Variants in SLC20A2 observed in about 807,000 individuals in gnomAD.
SLC20A2 encodes sodium-dependent phosphate transporter 2.
SLC20A2 carries 30 observed loss-of-function variants against 61.0 expected under a neutral mutation model. That is an observed-to-expected ratio of 0.49 (90% CI 0.37 to 0.67). The LOEUF (loss-of-function observed/expected upper bound fraction) is 0.67, where lower values mean the gene tolerates loss of function less well. SLC20A2 is among the 30% of genes least tolerant of loss of function. The pLI, the probability that SLC20A2 is intolerant of heterozygous loss-of-function variation, is 0.00. For missense variants in SLC20A2, 626 were observed against 866.4 expected (o/e 0.72, Z 3.48); for synonymous variants, 351 against 353.3 (o/e 0.99, Z 0.07).
Position 42,439,636 on chromosome 8 carries a change from C to T in SLC20A2, c.748G>A (p.Gly250Ser). The T allele has an allele frequency of 6.2e-7, 1 of 1,614,012 alleles. No homozygotes were observed. Among genetic ancestry groups the T allele is most frequent in the Non-Finnish European group, 8.5e-7 (1 of 1,179,848 alleles). Residue 250 changes from glycine (G) to serine (S), a missense_variant, in exon 7 of 11, where the codon GGT becomes AGT. By Grantham distance (56) the Gly-to-Ser change is moderately conservative (BLOSUM62 0). Transcript: ENST00000520262. ...TCGTCAGATACTCGTGATAAAGCAC[C>T]TTCTTTTTGTAATTTGCCTAAAGAA... Reference protein sequence around the residue: ...RKITGKLQKEGALSRVSDESL... With the variant: ...RKITGKLQKESALSRVSDESL...
At position 42,437,369 on chromosome 8, in the gene SLC20A2, G is replaced by C; in HGVS notation, c.1143C>G (p.Arg381=). ...PAQESNYRLL[R]RNNSYTCYTA... ...TGTAGCAGGTGTAACTGTTGTTTCG[G>C]CGCAGCAGCCGGTAGTTGCTTTCCT... The change falls in exon 8 of 11, where the codon CGC becomes CGG. Residue 381 remains arginine, a synonymous_variant. Coordinates refer to ENST00000520262, the MANE Select transcript of SLC20A2 (RefSeq NM_001257180.2). This position sits in a 1 kb window ranked among gnomAD's most constrained non-coding sequence, Gnocchi z 6.4. 1 of 1,614,150 alleles carries C rather than the reference G, an allele frequency of 6.2e-7. No homozygotes were observed. Among genetic ancestry groups the C allele is most frequent in the Non-Finnish European group, 8.5e-7 (1 of 1,180,018 alleles).
At chr8:42,465,238 G>A (rs1490038010) in intron 3 of SLC20A2, among the ~76,000 whole-genome samples, 1 of 151,318 alleles carries the variant, frequency 6.6e-6, no homozygotes, top group Non-Finnish European at 1.5e-5. Context: ...TTGTATTTTT[G>A]TAGAGATGGG....
At chr8:42,508,595 TAGC>T (rs2131368518) in intron 1 of SLC20A2, among the ~76,000 whole-genome samples, 1 of 152,184 alleles carries the variant, frequency 6.6e-6, no homozygotes, top group African/African-American at 2.4e-5. Flanking sequence ...TTCACCATGT[TAGC>T]CAGGCTGGTC....
At chr8:42,439,997 A>C (rs1341728910) in intron 6 of SLC20A2, among the ~76,000 whole-genome samples, 1 of 151,804 alleles carries the variant, frequency 6.6e-6, no homozygotes, top group Non-Finnish European at 1.5e-5. Context: ...AGGCAGGAGA[A>C]TCTCTTAAAC....
rs968688372 is a variant in SLC20A2, at chr8:42,441,689, A to C, written c.731-2036T>G. ...TCACCATGTTGGCCAAGATGGTCTC[A>C]ATCTCCTGACCTTGTGATCCACCCA... On this transcript the variant is annotated intron_variant, in intron 6 of 10. Coordinates refer to ENST00000520262, the MANE Select transcript of SLC20A2 (RefSeq NM_001257180.2). 2.6e-4 allele frequency among the ~76,000 whole-genome samples: 39 copies of C among 148,064 alleles called. 1 individual carries two copies. The highest frequency in any genetic ancestry group is 9.4e-4 in the African/African-American group (37 of 39,526).
At chr8:42,420,231 T>A (rs1802953214) in intron 10 of SLC20A2, among the ~76,000 whole-genome samples, 1 of 152,104 alleles carries the variant, frequency 6.6e-6, no homozygotes, top group South Asian at 2.1e-4. Flanking sequence ...TCCATTTACA[T>A]ACTAAAATCT....
In SLC20A2 at chr8:42,437,217, C is replaced by G; in HGVS notation, c.1295G>C (p.Ser432Thr). The change falls in exon 8 of 11, where the codon AGC becomes ACC. Residue 432 changes from serine (S) to threonine (T), a missense_variant. Coordinates refer to ENST00000520262, the MANE Select transcript of SLC20A2 (RefSeq NM_001257180.2). The surrounding 1 kb of genome is among the most constrained non-coding windows in gnomAD (Gnocchi z 6.4). Reference protein sequence around the residue: ...SYSKKRLRYDSYSSYCNAVAE... With the variant: ...SYSKKRLRYDTYSSYCNAVAE... ...CACCGCGTTACAGTAGCTCGAGTAG[C>G]TGTCGTAGCGCAGCCTCTTCTTGGA... 1 of 1,613,806 alleles carries G rather than the reference C, an allele frequency of 6.2e-7. No individual in the cohort carries two copies. The highest frequency in any genetic ancestry group is 1.1e-5 in the South Asian group (1 of 91,090).
At position 42,495,765 on chromosome 8, in the gene SLC20A2, T is replaced by C. The variant is rs997538082; in HGVS notation, c.-265+5266A>G. ...AGATCCCTCCCCCTTTTTTTTTTTT[T>C]TCCAGACAGAGTCTTGTTCTGTTGC... is the stretch of plus-strand genomic sequence containing the variant. On this transcript the variant is annotated intron_variant, in intron 1 of 10. Coordinates refer to ENST00000520262, the MANE Select transcript of SLC20A2 (RefSeq NM_001257180.2). 1.1e-4 allele frequency among the ~76,000 whole-genome samples: 16 copies of C among 152,192 alleles called. 2 individuals are homozygous for C. Among genetic ancestry groups the C allele is most frequent in the Admixed American group, 9.8e-4 (15 of 15,290 alleles).
In SLC20A2 at chr8:42,430,595, T is replaced by C. The variant is rs1016092627; in HGVS notation, c.1524-346A>G. Among the ~76,000 whole-genome samples the C allele has an allele frequency of 8.5e-5, 13 of 152,138 alleles. 1 individual carries two copies. The highest frequency in any genetic ancestry group is 8.5e-4 in the Admixed American group (13 of 15,272). ...CCAGGCTGGTCTCGAACCCCTGACC[T>C]TGTGATCTGCCCACCTTGGCTTCCC... On this transcript the variant is annotated intron_variant, in intron 8 of 10. Transcript: ENST00000520262.
At chr8:42,464,805 T>C (rs923225712) in intron 3 of SLC20A2, among the ~76,000 whole-genome samples, 17 of 151,988 alleles carry the variant, frequency 1.1e-4, no homozygotes, top group Non-Finnish European at 1.9e-4. Context: ...AAACCCTGTC[T>C]GTACTAAAAT....
At chr8:42,476,054 G>A (rs1339050584) in intron 1 of SLC20A2, among the ~76,000 whole-genome samples, 2 of 132,522 alleles carry the variant, frequency 1.5e-5, no homozygotes, top group Non-Finnish European at 3.2e-5. Flanking sequence ...GTGCGCTTTT[G>A]ATTGGGTGAA....
In SLC20A2 at chr8:42,437,522, G is replaced by A. The variant is rs749040792; in HGVS notation, c.990C>T (p.Thr330=). ...GSVKSPISNG[T]FGFDGHTRSD... Reference sequence around the variant, plus strand: ...TCCTGGTGTGGCCGTCGAAGCCGAAGGTGCCGTTGGAGATGGGCGATTTCA... The same window carrying A: ...TCCTGGTGTGGCCGTCGAAGCCGAAAGTGCCGTTGGAGATGGGCGATTTCA... Residue 330 remains threonine (T), a synonymous_variant, in exon 8 of 11, where the codon ACC becomes ACT. Transcript: ENST00000520262. The surrounding 1 kb of genome is among the most constrained non-coding windows in gnomAD (Gnocchi z 6.4). The A allele has an allele frequency of 1.2e-5, 20 of 1,614,016 alleles. No homozygotes were observed. The highest frequency in any genetic ancestry group is 1.6e-5 in the Non-Finnish European group (19 of 1,180,012).
At chr8:42,492,196 G>C (rs1051995116) in intron 1 of SLC20A2, among the ~76,000 whole-genome samples, 2 of 151,970 alleles carry the variant, frequency 1.3e-5, no homozygotes, top group African/African-American at 4.8e-5. Flanking sequence ...CTCTTCTAAA[G>C]ATACAAAAAA....
chr8:42,460,125 T>C (rs932690198), intron 4 of SLC20A2, 133 bp from the exon 5 acceptor site: 1 of 595,032 alleles, frequency 1.7e-6, no homozygotes, highest in Non-Finnish European at 3.1e-6. Flanking sequence ...AGGATGGGCG[T>C]TGTCACTGCC....
At chr8:42,505,744 A>G (rs916052588), upstream of SLC20A2, among the ~76,000 whole-genome samples, 9 of 151,982 alleles carry the variant, frequency 5.9e-5, no homozygotes, top group African/African-American at 2.2e-4. Context: ...CAAAAAACTT[A>G]GCCGGGCACG....
intron 8 of SLC20A2, among the ~76,000 whole-genome samples, chr8:42,434,884 G>T (rs544754652): frequency 1.3e-5 from 2 of 152,216 alleles, no homozygotes; most frequent in Non-Finnish European, 2.9e-5. Context: ...GTGAGTCCAT[G>T]TGTGAGTGTG....
intron 7 of SLC20A2, among the ~76,000 whole-genome samples, chr8:42,438,121 A>G (rs940218607): frequency 8.6e-5 from 13 of 151,524 alleles, no homozygotes; most frequent in Admixed American, 8.6e-4. Flanking sequence ...GGTAAAACTA[A>G]TAATGTGGTA....
At chr8:42,530,118 A>G (rs1812226045) in intron 1 of SLC20A2, among the ~76,000 whole-genome samples, 1 of 152,172 alleles carries the variant, frequency 6.6e-6, no homozygotes, top group South Asian at 2.1e-4. Context: ...ACCTGGGTCA[A>G]AAGAATGAAT....
intron 7 of SLC20A2, among the ~76,000 whole-genome samples, chr8:42,438,075 A>AAAAAAAAAAAAAAAAC (rs1563455842): frequency 6.9e-6 from 1 of 144,340 alleles, no homozygotes; most frequent in Non-Finnish European, 1.5e-5. Context: ...AAAAAAAAAA[A>AAAAAAAAAAAAAAAAC]AAAAAAAAAA....
Sources: gnomAD v4.1 joint callset for allele counts (sites outside exome capture counted in the v4.1 genomes callset) on GRCh38, gnomAD v4.1.1 for gene constraint, Gnocchi (gnomAD v3.1) non-coding constraint, MANE v1.5 for transcripts, NCBI Gene and HGNC (gene_info 2026-07-23, HGNC 2026-07-21) for gene names.